ARMC3: variants seen among roughly 807,000 people sequenced by gnomAD.
The protein encoded by ARMC3 is armadillo repeat-containing protein 3.
ARMC3 carries 74 observed loss-of-function variants against 90.3 expected under a neutral mutation model. That is an observed-to-expected ratio of 0.82 (90% CI 0.68 to 0.99). The LOEUF (loss-of-function observed/expected upper bound fraction) is 0.99. Ranked by LOEUF, ARMC3 falls within the 50% of genes least tolerant of loss-of-function variation. ARMC3 has a pLI of 0.00. For missense variants in ARMC3, 958 were observed against 1,042.8 expected (o/e 0.92, Z 1.12); for synonymous variants, 334 against 361.8 (o/e 0.92, Z 0.87).
chr10:23,000,547 A>G (rs72812467), intron 11 of ARMC3, among the ~76,000 whole-genome samples: 8,496 of 152,264 alleles, frequency 0.056, 265 homozygotes, highest in African/African-American at 0.07. Flanking sequence ...GGCACATAAT[A>G]TATGCTGAAT....
At chr10:23,009,039 G>C (rs1837789216) in intron 16 of ARMC3, 108 bp downstream of exon 16, 8 of 774,748 alleles carry the variant, frequency 1.0e-5, no homozygotes, top group Non-Finnish European at 1.4e-5. Flanking sequence ...AACCAGGCAA[G>C]ACTCATGAGA....
At chr10:22,976,363 C>T (rs1181693022) in intron 8 of ARMC3, among the ~76,000 whole-genome samples, 1 of 152,196 alleles carries the variant, frequency 6.6e-6, no homozygotes. Flanking sequence ...CCAAAATAGT[C>T]CTTGTACAAT....
intron 3 of ARMC3, among the ~76,000 whole-genome samples, chr10:22,950,320 A>G (rs1387576451): frequency 1.3e-5 from 2 of 152,120 alleles, no homozygotes; most frequent in African/African-American, 4.8e-5. Context: ...TAAATAAAAT[A>G]TATGGCAACA....
chr10:22,933,740 C>T (rs1433527396), intron 2 of ARMC3, among the ~76,000 whole-genome samples: 1 of 152,010 alleles, frequency 6.6e-6, no homozygotes, highest in Non-Finnish European at 1.5e-5. Context: ...AAAAAATTAG[C>T]CGGGGGTGGT....
chr10:22,960,809 C>T (rs973697229), intron 6 of ARMC3: 11 of 152,136 alleles, frequency 7.2e-5, no homozygotes, highest in African/African-American at 2.7e-4. Flanking sequence ...GGACCGCGTC[C>T]CCACTGAGAC....
intron 2 of ARMC3, among the ~76,000 whole-genome samples, chr10:22,945,768 A>C (rs116876037): frequency 0.016 from 2,426 of 152,320 alleles, 38 homozygotes; most frequent in South Asian, 0.061. Context: ...CTTTACATAC[A>C]TGACCTCTAC....
At chr10:23,003,167 C>A in intron 12 of ARMC3, 79 bp from the exon 13 acceptor site, 1 of 1,303,290 alleles carries the variant, frequency 7.7e-7, no homozygotes, top group Non-Finnish European at 1.0e-6. Flanking sequence ...CCTTCAGGAT[C>A]TGAAGTCGGT....
rs770447000 is a variant in ARMC3 at position 23,008,846 on chromosome 10, G to C, written c.1960G>C (p.Gly654Arg). 24 of 1,613,004 alleles carry C rather than the reference G, an allele frequency of 1.5e-5. No homozygotes were observed. The highest frequency in any genetic ancestry group is 2.0e-5 in the Non-Finnish European group (24 of 1,179,510). The stretch of plus-strand genomic sequence containing the variant: ...TAGTTATCATTTTAGTGCTGGATTT[G>C]GATCTCCCATAGAAGACAAATCAGA... Reference protein sequence around the residue: ...KNSYHFSAGFGSPIEDKSEPA... With the variant: ...KNSYHFSAGFRSPIEDKSEPA... The change falls in exon 16 of 19, where the codon GGA (glycine) becomes CGA (arginine). Residue 654 changes from glycine to arginine, a missense_variant. Gly to Arg is a moderately radical substitution (Grantham distance 125, BLOSUM62 -2). Transcript: ENST00000298032.
intron 3 of ARMC3, chr10:22,946,714 T>A (rs1216282727): frequency 6.5e-6 from 1 of 152,778 alleles, no homozygotes; most frequent in Non-Finnish European, 1.5e-5. Flanking sequence ...ATGTAGACAC[T>A]CTTGACTTCA....
Position 22,981,496 on chromosome 10 carries a change from A to G in ARMC3, c.1069+4A>G, listed in dbSNP as rs372484145. ...AAAGATTTTTTCAATAATCAGGGTA[A>G]GTCAACTGGAAACAATTCTTTTGAG... On this transcript the variant is annotated splice_donor_region_variant and intron_variant, in intron 9 of 18. Coordinates refer to ENST00000298032, the MANE Select transcript of ARMC3 (RefSeq NM_173081.5). 1.7e-5 allele frequency: 28 copies of G among 1,613,758 alleles called. No homozygotes were observed. Among genetic ancestry groups the G allele is most frequent in the Non-Finnish European group, 1.9e-5 (23 of 1,179,902 alleles).
At chr10:23,028,007 T>C (rs1838783387) in intron 16 of ARMC3, among the ~76,000 whole-genome samples, 1 of 152,268 alleles carries the variant, frequency 6.6e-6, no homozygotes, top group South Asian at 2.1e-4. Context: ...CTAAGCATGG[T>C]GGCACACACC....
chr10:22,949,631 G>A (rs1834663939), intron 3 of ARMC3, among the ~76,000 whole-genome samples: 2 of 152,160 alleles, frequency 1.3e-5, no homozygotes, highest in South Asian at 4.1e-4. Flanking sequence ...AAATTCAAGT[G>A]TCCAATATAT....
intron 4 of ARMC3, among the ~76,000 whole-genome samples, chr10:22,956,489 C>T (rs1264994462): frequency 6.6e-6 from 1 of 151,742 alleles, no homozygotes; most frequent in East Asian, 1.9e-4. Flanking sequence ...TGTAATCCCA[C>T]CTACTTGGGA....
intron 10 of ARMC3, among the ~76,000 whole-genome samples, chr10:22,986,635 A>C (rs1480846108): frequency 6.6e-6 from 1 of 152,076 alleles, no homozygotes; most frequent in Non-Finnish European, 1.5e-5. Context: ...AAAAGTGATG[A>C]AAACAAAGTC....
At chr10:22,966,470 A>G (rs1835443822) in intron 7 of ARMC3, among the ~76,000 whole-genome samples, 1 of 152,202 alleles carries the variant, frequency 6.6e-6, no homozygotes. Context: ...ACGCATGTAT[A>G]GTTTAGTAGT....
At chr10:22,963,942 A>C (rs1310294644) in intron 7 of ARMC3, among the ~76,000 whole-genome samples, 8,092 of 143,166 alleles carry the variant, frequency 0.057, 336 homozygotes, top group Middle Eastern at 0.11. Flanking sequence ...AAAAAAAAAA[A>C]AAAAAAAAGA....
At chr10:23,012,700 A>G (rs1282755825) in intron 16 of ARMC3, among the ~76,000 whole-genome samples, 1 of 152,100 alleles carries the variant, frequency 6.6e-6, no homozygotes, top group Non-Finnish European at 1.5e-5. Flanking sequence ...AGACAGTCCT[A>G]TCCACTCTAT....
At chr10:23,028,218 A>G (rs1010464461) in intron 16 of ARMC3, among the ~76,000 whole-genome samples, 3 of 152,188 alleles carry the variant, frequency 2.0e-5, no homozygotes, top group Admixed American at 6.5e-5. Flanking sequence ...TTATTGTTCT[A>G]TCTTCAACAT....
Position 23,030,639 on chromosome 10 carries a change from G to C in ARMC3, c.2089G>C (p.Glu697Gln). 6.2e-7 allele frequency: 1 copy of C among 1,613,698 alleles called. No individual in the cohort carries two copies. Among genetic ancestry groups the C allele is most frequent in the Non-Finnish European group, 8.5e-7 (1 of 1,179,818 alleles). The stretch of plus-strand genomic sequence containing the variant: ...AGAAGAGGAAAAAGTGAAAGAGGAG[G>C]AAGAGGTTATGGTGGTACCAAAATT... ...KKEEEKVKEE[E>Q]EVMVVPKFVG... Residue 697 changes from glutamate (E) to glutamine (Q), a missense_variant, in exon 17 of 19, where the codon GAA (glutamate) becomes CAA (glutamine). By Grantham distance (29) the Glu-to-Gln change is conservative. Transcript: ENST00000298032.
Sources: allele counts gnomAD v4.1 joint callset (sites outside exome capture counted in the v4.1 genomes callset), GRCh38; gene constraint gnomAD v4.1.1; transcripts MANE v1.5; gene names NCBI Gene and HGNC (gene_info 2026-07-23, HGNC 2026-07-21).